ZFP57: variants seen among roughly 807,000 people sequenced by gnomAD.
The protein encoded by ZFP57 is zinc finger protein 57 homolog.
Under a neutral mutation model 15.8 loss-of-function variants are expected in ZFP57, and 12 were observed. The observed-to-expected ratio is 0.76, with a 90% CI of 0.49 to 1.23. The LOEUF (loss-of-function observed/expected upper bound fraction) is 1.23, where lower values mean the gene tolerates loss of function less well. Among genes scored for constraint, ZFP57 ranks in the 50% most tolerant of loss-of-function variants. The pLI, the probability that ZFP57 is intolerant of heterozygous loss-of-function variation, is 0.00. For synonymous variants in ZFP57, 203 were observed against 242.3 expected (o/e 0.84, Z 1.51); for missense variants, 536 against 654.9 (o/e 0.82, Z 1.98).
chr6:29,674,013 G>A (rs1343572233), intron 4 of ZFP57, among the ~76,000 whole-genome samples: 3 of 151,822 alleles, frequency 2.0e-5, no homozygotes, highest in East Asian at 1.9e-4. Flanking sequence ...ACAATCACTC[G>A]AACCCGGGAG....
Position 29,672,658 on chromosome 6 carries a change from A to C in ZFP57, c.1453T>G (p.Phe485Val). ...CRVILGQWLG[F>V]SHDVPTMAGE... The stretch of plus-strand genomic sequence containing the variant: ...GCCATAGTGGGGACATCATGAGAGA[A>C]GCCAAGCCACTGGCCCAGGATCACC... Residue 485 changes from phenylalanine to valine, a missense_variant, in exon 5 of 5, where the codon TTC becomes GTC. By Grantham distance (50) the Phe-to-Val change is conservative. Coordinates refer to ENST00000376883, the MANE Select transcript of ZFP57 (RefSeq NM_001109809.5). The C allele has an allele frequency of 6.2e-7, 1 of 1,611,338 alleles. No homozygotes were observed. Among genetic ancestry groups the C allele is most frequent in the African/African-American group, 1.3e-5 (1 of 74,992 alleles).
chr6:29,673,863 G>A lies in ZFP57; in HGVS notation c.353-105C>T, dbSNP rs567378403. 4 of 1,357,124 alleles carry A rather than the reference G, an allele frequency of 2.9e-6. No individual in the cohort carries two copies. The African/African-American group carries it at 5.7e-5, about 19-fold the overall frequency. The allele number at this position is 1,357,124 out of a possible 1,614,324, so 84.1% of individuals were successfully genotyped here. On this transcript the variant is annotated intron_variant, in intron 4 of 4. Transcript: ENST00000376883. This position sits in a 1 kb window ranked among gnomAD's most constrained non-coding sequence, Gnocchi z 4.7. ...AATCCCAGCACTTTGGGAGGCCGAG[G>A]CCAGCGGATCACCTGAGGTTAGGAG...
intron 3 of ZFP57, 145 bp from the exon 4 acceptor site, chr6:29,675,632 C>T: frequency 2.5e-6 from 2 of 794,308 alleles, no homozygotes; most frequent in South Asian, 1.4e-5. Flanking sequence ...CATTAAAAGG[C>T]CAGCTGCTAG....
chr6:29,672,804 T>C lies in ZFP57; in HGVS notation c.1307A>G (p.Lys436Arg), dbSNP rs753401097. 8 of 1,612,970 alleles carry C rather than the reference T, an allele frequency of 5.0e-6. No homozygotes were observed. The African/African-American group carries it at 6.7e-5, about 13-fold the overall frequency. The change falls in exon 5 of 5, where the codon AAG becomes AGG. Residue 436 changes from lysine (K) to arginine (R), a missense_variant. Transcript: ENST00000376883. ...RLVRHQQTHWKQKSYLCPICD... is the reference protein window; with the variant it reads ...RLVRHQQTHWRQKSYLCPICD... The stretch of plus-strand genomic sequence containing the variant: ...GATAGGGCAAAGGTAGCTCTTCTGC[T>C]TCCAGTGGGTCTGCTGGTGTCTGAC...
intron 1 of ZFP57, among the ~76,000 whole-genome samples, chr6:29,679,741 C>A (rs193140137): frequency 3.9e-5 from 6 of 152,188 alleles, no homozygotes; most frequent in African/African-American, 1.4e-4. Flanking sequence ...AAAATTATCC[C>A]GGCGTGGTGG....
chr6:29,672,683 C>T lies in ZFP57; in HGVS notation c.1428G>A (p.Arg476=). 6.2e-7 allele frequency: 1 copy of T among 1,612,422 alleles called. No homozygotes were observed. The highest frequency in any genetic ancestry group is 1.7e-5 in the Admixed American group (1 of 60,002). ...AGCCAAGCCACTGGCCCAGGATCACCCGGCATTTATGGTGGCTGCTCTGGC... is the reference window on the plus strand; with the variant it reads ...AGCCAAGCCACTGGCCCAGGATCACTCGGCATTTATGGTGGCTGCTCTGGC... ...DLCQSSHHKC[R]VILGQWLGFS... Residue 476 remains arginine, a synonymous_variant, in exon 5 of 5, where the codon CGG becomes CGA. Coordinates refer to ENST00000376883, the MANE Select transcript of ZFP57 (RefSeq NM_001109809.5).
chr6:29,677,181 G>A lies in ZFP57; in HGVS notation c.-178C>T. The A allele has an allele frequency of 1.2e-6, 1 of 803,696 alleles. No homozygotes were observed. The highest frequency in any genetic ancestry group is 1.6e-5 in the South Asian group (1 of 62,128). The allele number at this position is 803,696 out of a possible 1,614,324, so 49.8% of individuals were successfully genotyped here. A position where few individuals can be genotyped will look rare whatever the true frequency, so the allele number is the denominator to read the frequency against. On this transcript the variant is annotated 5_prime_UTR_variant, in exon 2 of 5. Coordinates refer to ENST00000376883, the MANE Select transcript of ZFP57 (RefSeq NM_001109809.5). ...ACAAATGTATCTGCTCCAAGAGGCT[G>A]TCTTCCTTTTTTGTTCTGCTGTCCA...
chr6:29,673,869 G>A lies in ZFP57; in HGVS notation c.353-111C>T, dbSNP rs1233199632. On this transcript the variant is annotated intron_variant, in intron 4 of 4. Coordinates refer to ENST00000376883, the MANE Select transcript of ZFP57 (RefSeq NM_001109809.5). The surrounding 1 kb of genome is among the most constrained non-coding windows in gnomAD (Gnocchi z 4.7). ...AGCACTTTGGGAGGCCGAGGCCAGC[G>A]GATCACCTGAGGTTAGGAGTTCGAA... is the stretch of plus-strand genomic sequence containing the variant. 4.5e-5 allele frequency: 58 copies of A among 1,294,748 alleles called. No homozygotes were observed. Among genetic ancestry groups the A allele is most frequent in the South Asian group, 7.2e-5 (6 of 83,156 alleles). 80.2% of individuals were successfully genotyped at this position (1,294,748 alleles called of 1,614,324 possible). A position where few individuals can be genotyped will look rare whatever the true frequency, so the allele number is the denominator to read the frequency against.
rs375456558 is a variant in ZFP57, at chr6:29,676,000, T to C, written c.183A>G (p.Leu61=). ...VNFTQEEWDC[L]DASQRVLYQD... is the part of the protein sequence containing the mutation. ...GGTAAAGGACCCTCTGGCTGGCATC[T>C]AGACAGTCCCACTCTTCCTGGGTGA... The change falls in exon 3 of 5, where the codon CTA becomes CTG. Residue 61 remains leucine (L), a synonymous_variant. Transcript: ENST00000376883. 6.2e-7 allele frequency: 1 copy of C among 1,613,362 alleles called. No homozygotes were observed. Among genetic ancestry groups the C allele is most frequent in the Non-Finnish European group, 8.5e-7 (1 of 1,179,968 alleles).
chr6:29,673,876 C>T lies in ZFP57; in HGVS notation c.353-118G>A, dbSNP rs766727502. ...TGGGAGGCCGAGGCCAGCGGATCAC[C>T]TGAGGTTAGGAGTTCGAAACCAGCC... On this transcript the variant is annotated intron_variant, in intron 4 of 4. Transcript: ENST00000376883. This position sits in a 1 kb window ranked among gnomAD's most constrained non-coding sequence, Gnocchi z 4.7. 2.4e-6 allele frequency: 3 copies of T among 1,246,326 alleles called. No individual in the cohort carries two copies. The highest frequency in any genetic ancestry group is 3.5e-6 in the Non-Finnish European group (3 of 860,820). 77.2% of individuals were successfully genotyped at this position (1,246,326 alleles called of 1,614,324 possible). A position where few individuals can be genotyped will look rare whatever the true frequency, so the allele number is the denominator to read the frequency against.
downstream of ZFP57, chr6:29,672,481 G>A: frequency 1.9e-6 from 3 of 1,612,806 alleles, no homozygotes; most frequent in South Asian, 2.2e-5. Flanking sequence ...CAAAGAAAGA[G>A]CTCAGTCAGA....
At chr6:29,676,142 G>A (rs542230864) in intron 2 of ZFP57, 83 bp from the exon 3 acceptor site, 2 of 1,310,230 alleles carry the variant, frequency 1.5e-6, no homozygotes, top group Middle Eastern at 5.3e-4. Context: ...TTAACATCCA[G>A]TCTCAAGATT....
Position 29,672,642 on chromosome 6 carries a change from G to A in ZFP57, c.1469C>T (p.Pro490Leu). Residue 490 changes from proline to leucine, a missense_variant, in exon 5 of 5, where the codon CCC becomes CTC. Pro to Leu is a moderately conservative substitution (Grantham distance 98). Transcript: ENST00000376883. Reference sequence around the variant, plus strand: ...CTTCCATTCCTCCCCAGCCATAGTGGGGACATCATGAGAGAAGCCAAGCCA... The same window carrying A: ...CTTCCATTCCTCCCCAGCCATAGTGAGGACATCATGAGAGAAGCCAAGCCA... ...GQWLGFSHDV[P>L]TMAGEEWKHG... 6.2e-7 allele frequency: 1 copy of A among 1,611,264 alleles called. No homozygotes were observed. Among genetic ancestry groups the A allele is most frequent in the Non-Finnish European group, 8.5e-7 (1 of 1,178,538 alleles).
intron 1 of ZFP57, among the ~76,000 whole-genome samples, chr6:29,678,048 A>G (rs1340074753): frequency 6.6e-6 from 1 of 152,152 alleles, no homozygotes; most frequent in African/African-American, 2.4e-5. Flanking sequence ...AAAAATACAA[A>G]AAGAAAATAG....
rs780884858 is a variant in ZFP57 at position 29,673,323 on chromosome 6, A to G, written c.788T>C (p.Val263Ala). 5 of 1,612,990 alleles carry G rather than the reference A, an allele frequency of 3.1e-6. No individual in the cohort carries two copies. In the East Asian group the frequency reaches 1.1e-4, roughly 36 times the overall value. The change falls in exon 5 of 5, where the codon GTG becomes GCG. Residue 263 changes from valine (V) to alanine (A), a missense_variant. By Grantham distance (64) the Val-to-Ala change is moderately conservative. Coordinates refer to ENST00000376883, the MANE Select transcript of ZFP57 (RefSeq NM_001109809.5). The surrounding 1 kb of genome is among the most constrained non-coding windows in gnomAD (Gnocchi z 4.7). ...CTGGTCCCGGAAGCTCTTCCCACACACAGAGCATGAATGGGGCCGGTAACC... is the reference window on the plus strand; with the variant it reads ...CTGGTCCCGGAAGCTCTTCCCACACGCAGAGCATGAATGGGGCCGGTAACC... ...HLGYRPHSCSVCGKSFRDQSE... is the reference protein window; with the variant it reads ...HLGYRPHSCSACGKSFRDQSE...
chr6:29,672,918 T>C lies in ZFP57; in HGVS notation c.1193A>G (p.Tyr398Cys). Residue 398 changes from tyrosine to cysteine, a missense_variant, in exon 5 of 5, where the codon TAT (tyrosine) becomes TGT (cysteine). Transcript: ENST00000376883. ...HCSLTFSKKS[Y>C]LSRHQKAHLT... ...GTGGGCCTTCTGGTGTCTGGAGAGA[T>C]AGGATTTCTTGCTAAAAGTCAAAGA... is the stretch of plus-strand genomic sequence containing the variant. 6.2e-7 allele frequency: 1 copy of C among 1,613,002 alleles called. No homozygotes were observed.
At chr6:29,675,826 C>A in intron 3 of ZFP57, 107 bp downstream of exon 3, 1 of 1,409,752 alleles carries the variant, frequency 7.1e-7, no homozygotes, top group Non-Finnish European at 1.0e-6. Context: ...AAGCATAGAA[C>A]CAGGGGTCAG....
chr6:29,673,057 C>T lies in ZFP57; in HGVS notation c.1054G>A (p.Ala352Thr), dbSNP rs1385118076. 8.7e-6 allele frequency: 14 copies of T among 1,612,976 alleles called. No individual in the cohort carries two copies. The highest frequency in any genetic ancestry group is 1.0e-5 in the Non-Finnish European group (12 of 1,180,008). The change falls in exon 5 of 5, where the codon GCA (alanine) becomes ACA (threonine). Residue 352 changes from alanine to threonine, a missense_variant. By Grantham distance (58) the Ala-to-Thr change is moderately conservative. Coordinates refer to ENST00000376883, the MANE Select transcript of ZFP57 (RefSeq NM_001109809.5). The surrounding 1 kb of genome is among the most constrained non-coding windows in gnomAD (Gnocchi z 4.7). Reference sequence around the variant, plus strand: ...GGTGCCTGGGTCCTGGTCACAGGTGCTTGGTTCTTAAGTACAGATGCCTGG... The same window carrying T: ...GGTGCCTGGGTCCTGGTCACAGGTGTTTGGTTCTTAAGTACAGATGCCTGG... ...QNQASVLKNQAPVTRTQAPIT... is the reference protein window; with the variant it reads ...QNQASVLKNQTPVTRTQAPIT...
Position 29,673,028 on chromosome 6 carries a change from G to A in ZFP57, c.1083C>T (p.Ile361=). ...TGGCATCCTGACAGAGGGTTCCAGT[G>A]ATGGGTGCCTGGGTCCTGGTCACAG... ...QAPVTRTQAP[I]TGTLCQDARS... The change falls in exon 5 of 5, where the codon ATC becomes ATT. Residue 361 remains isoleucine, a synonymous_variant. Transcript: ENST00000376883. This position sits in a 1 kb window ranked among gnomAD's most constrained non-coding sequence, Gnocchi z 4.7. The A allele has an allele frequency of 5.0e-6, 8 of 1,613,090 alleles. No individual in the cohort carries two copies. The highest frequency in any genetic ancestry group is 6.8e-6 in the Non-Finnish European group (8 of 1,180,034).
Sources: allele counts gnomAD v4.1 joint callset (sites outside exome capture counted in the v4.1 genomes callset), GRCh38; gene constraint gnomAD v4.1.1; non-coding constraint Gnocchi (gnomAD v3.1); transcripts MANE v1.5; gene names NCBI Gene and HGNC (gene_info 2026-07-23, HGNC 2026-07-21).